The following ZNF827 variants were observed in gnomAD, a reference collection of about 807,000 sequenced individuals.
The protein encoded by ZNF827 is zinc finger protein 827.
A neutral mutation model predicts 102.4 loss-of-function variants in ZNF827; 13 were observed. The observed-to-expected ratio is 0.13, with a 90% CI of 0.08 to 0.20. The LOEUF is 0.20. ZNF827 is among the 10% of genes least tolerant of loss of function. ZNF827 has a pLI of 1.00. For synonymous variants in ZNF827, 523 were observed against 536.2 expected, an observed-to-expected ratio of 0.98 and a Z score of 0.34; for missense variants, 1,103 against 1,344.4, an observed-to-expected ratio of 0.82 and a Z score of 2.81.
chr4:145,794,583 A>G (rs1404643242), intron 8 of ZNF827, among the ~76,000 whole-genome samples: 1 of 151,804 alleles, frequency 6.6e-6, no homozygotes, highest in East Asian at 1.9e-4. Flanking sequence ...GCTACTCAGA[A>G]AGCTGAGGCT....
At chr4:145,909,340 C>T (rs1752101112) in intron 1 of ZNF827, among the ~76,000 whole-genome samples, 1 of 152,184 alleles carries the variant, frequency 6.6e-6, no homozygotes, top group Non-Finnish European at 1.5e-5. Context: ...TTCTCAGTTC[C>T]TGTACCAAAC....
chr4:145,908,739 A>C (rs1752062488), intron 1 of ZNF827, among the ~76,000 whole-genome samples: 1 of 152,216 alleles, frequency 6.6e-6, no homozygotes, highest in Non-Finnish European at 1.5e-5. Context: ...TGTTCCCTGC[A>C]AAGGGAAACA....
chr4:145,824,572 AGAG>A (rs1189998125), intron 7 of ZNF827, among the ~76,000 whole-genome samples: 1 of 152,182 alleles, frequency 6.6e-6, no homozygotes, highest in East Asian at 1.9e-4. Context: ...CCGAAGCACC[AGAG>A]GAGATGCAGC....
chr4:145,874,838 C>T (rs974263861), intron 4 of ZNF827, among the ~76,000 whole-genome samples: 1 of 152,216 alleles, frequency 6.6e-6, no homozygotes, highest in South Asian at 2.1e-4. Flanking sequence ...GAGGCCCCCT[C>T]TCTCGCTGTT....
rs1734199426 is a variant in ZNF827, at chr4:145,759,233, T to C, written c.*2383A>G. The C allele has an allele frequency of 6.6e-6, 1 of 152,266 alleles. No individual in the cohort carries two copies. 9.4% of individuals were successfully genotyped at this position (152,266 alleles called of 1,614,324 possible). A position where few individuals can be genotyped will look rare whatever the true frequency, so the allele number is the denominator to read the frequency against. ...TCAGCCTGTTTCATACTGGAAATTC[T>C]GTTGTTTTAAAAATACAAGCAATGA... On this transcript the variant is annotated 3_prime_UTR_variant, in exon 15 of 15. Coordinates refer to ENST00000508784, the MANE Select transcript of ZNF827 (RefSeq NM_001306215.2).
At chr4:145,770,604 T>C (rs1294580909) in intron 11 of ZNF827, among the ~76,000 whole-genome samples, 1 of 151,820 alleles carries the variant, frequency 6.6e-6, no homozygotes, top group East Asian at 1.9e-4. Flanking sequence ...TAAAATATAA[T>C]AATAATGATA....
intron 7 of ZNF827, chr4:145,831,138 C>T (rs912303977): frequency 2.0e-5 from 3 of 152,260 alleles, no homozygotes; most frequent in Middle Eastern, 3.4e-3. Flanking sequence ...ACGAAAAGGA[C>T]CCCGGATGGC....
At chr4:145,795,365 C>G (rs1167262321) in intron 8 of ZNF827, among the ~76,000 whole-genome samples, 2 of 152,174 alleles carry the variant, frequency 1.3e-5, no homozygotes, top group South Asian at 2.1e-4. Flanking sequence ...CCAGGCTGGT[C>G]TCGAACTCCT....
chr4:145,795,667 A>T (rs1028220586), intron 8 of ZNF827, among the ~76,000 whole-genome samples: 4 of 152,228 alleles, frequency 2.6e-5, no homozygotes, highest in African/African-American at 4.8e-5. Flanking sequence ...CGATAATGAG[A>T]AGTATTTCCT....
At position 145,774,683 on chromosome 4, in the gene ZNF827, G is replaced by C; in HGVS notation, c.2694-11C>G. 2 of 1,610,480 alleles carry C rather than the reference G, an allele frequency of 1.2e-6. No individual in the cohort carries two copies. Among genetic ancestry groups the C allele is most frequent in the Non-Finnish European group, 1.7e-6 (2 of 1,177,608 alleles). ...CCACACACGTGACAACTACATGAAA[G>C]GGTAAAAGAAAAGAGGGGGAGAGAA... On this transcript the variant is annotated splice_polypyrimidine_tract_variant and intron_variant, in intron 10 of 14. Transcript: ENST00000508784.
intron 1 of ZNF827, among the ~76,000 whole-genome samples, chr4:145,909,206 C>T (rs1752089039): frequency 6.6e-6 from 1 of 152,120 alleles, no homozygotes; most frequent in African/African-American, 2.4e-5. Context: ...TACCTGGAGG[C>T]AAGGCTATGA....
intron 2 of ZNF827, among the ~76,000 whole-genome samples, chr4:145,899,065 A>G (rs1406736052): frequency 2.0e-5 from 3 of 151,852 alleles, no homozygotes; most frequent in Non-Finnish European, 4.4e-5. Context: ...TTATTTGTTT[A>G]CTTAAGTCAT....
chr4:145,856,983 ACG>A (rs147212491), intron 5 of ZNF827, among the ~76,000 whole-genome samples: 19 of 123,734 alleles, frequency 1.5e-4, no homozygotes, highest in African/African-American at 3.3e-4. Context: ...GCGCACGCGC[ACG>A]CACACACACA....
chr4:145,932,235 A>C (rs571771145), intron 1 of ZNF827, among the ~76,000 whole-genome samples: 1 of 152,338 alleles, frequency 6.6e-6, no homozygotes, highest in South Asian at 2.1e-4. Flanking sequence ...ATAGCAGCCA[A>C]CGGTCTGAGA....
rs530725485 is a variant in ZNF827 at position 145,938,569 on chromosome 4, T to G, written c.-162A>C. On this transcript the variant is annotated 5_prime_UTR_variant, in exon 1 of 15. Transcript: ENST00000508784. ...CCGGTGTGTGCAATGGGTTGAAGCT[T>G]GTTTCCTGGAGCCAGAAGAGGGGTT... is the stretch of plus-strand genomic sequence containing the variant. 285 of 560,152 alleles carry G rather than the reference T, an allele frequency of 5.1e-4. 1 individual carries two copies. Among genetic ancestry groups the G allele is most frequent in the African/African-American group, 4.9e-3 (257 of 52,950 alleles). 34.7% of individuals were successfully genotyped at this position (560,152 alleles called of 1,614,324 possible).
At chr4:145,818,590 A>G (rs969613829) in intron 8 of ZNF827, among the ~76,000 whole-genome samples, 1 of 152,248 alleles carries the variant, frequency 6.6e-6, no homozygotes, top group African/African-American at 2.4e-5. Flanking sequence ...GTCTAAATTG[A>G]AAAAGAATCT....
At chr4:145,904,301 T>C (rs2126896306) in intron 1 of ZNF827, among the ~76,000 whole-genome samples, 1 of 152,360 alleles carries the variant, frequency 6.6e-6, no homozygotes, top group South Asian at 2.1e-4. Flanking sequence ...AGATCCTGCC[T>C]TCTTGGAGCT....
chr4:145,934,671 C>G (rs1754034423), intron 1 of ZNF827, among the ~76,000 whole-genome samples: 1 of 152,204 alleles, frequency 6.6e-6, no homozygotes, highest in African/African-American at 2.4e-5. Context: ...CTTCCAGGTT[C>G]CCTGGTGTCT....
At chr4:145,804,556 G>A (rs1741222368) in intron 8 of ZNF827, among the ~76,000 whole-genome samples, 1 of 152,160 alleles carries the variant, frequency 6.6e-6, no homozygotes, top group Admixed American at 6.5e-5. Flanking sequence ...GATATTACGA[G>A]TAACAAAGAA....
Sources: gnomAD v4.1 joint callset for allele counts (sites outside exome capture counted in the v4.1 genomes callset) on GRCh38, gnomAD v4.1.1 for gene constraint, MANE v1.5 for transcripts, NCBI Gene and HGNC (gene_info 2026-07-23, HGNC 2026-07-21) for gene names.